CSNK1G2: variants seen among roughly 807,000 people sequenced by gnomAD.
CSNK1G2 encodes the protein casein kinase I isoform gamma-2.
In CSNK1G2, 11 loss-of-function variants were observed where a neutral mutation model predicts 48.0. The observed-to-expected ratio is 0.23, with a 90% CI of 0.14 to 0.38. CSNK1G2 has a LOEUF of 0.38. Among genes scored for constraint, CSNK1G2 ranks in the 10% least tolerant of loss-of-function variants. The pLI is 1.00. For synonymous variants in CSNK1G2, 337 were observed against 254.1 expected (o/e 1.33, Z -3.10); for missense variants, 446 against 595.5 (o/e 0.75, Z 2.61).
intron 2 of CSNK1G2, among the ~76,000 whole-genome samples, chr19:1,971,981 G>A (rs542087046): frequency 2.0e-5 from 3 of 152,282 alleles, no homozygotes; most frequent in Admixed American, 1.3e-4. Flanking sequence ...GTGTTAGCCA[G>A]GATGGTCTTG....
chr19:1,971,647 C>T (rs1000886082), intron 2 of CSNK1G2, among the ~76,000 whole-genome samples: 9 of 151,942 alleles, frequency 5.9e-5, no homozygotes, highest in South Asian at 4.2e-4. Flanking sequence ...CTGCAGCCTG[C>T]GGGGTATGGC....
In CSNK1G2 at chr19:1,951,003, C is replaced by G. The variant is rs1599286848; in HGVS notation, c.-266+9585C>G. Among the ~76,000 whole-genome samples, 3 of 146,198 alleles carry G rather than the reference C, an allele frequency of 2.1e-5. 1 individual carries two copies. The East Asian group carries it at 6.3e-4, about 31-fold the overall frequency. ...AGACCATGGGGGTCAGAGAGCTGGC[C>G]AGGCGGGTGGTCTGTGTCTGTCCCC... On this transcript the variant is annotated intron_variant, in intron 1 of 11. Coordinates refer to ENST00000255641, the MANE Select transcript of CSNK1G2 (RefSeq NM_001319.7).
chr19:1,970,025 A>C (rs1009513033), intron 2 of CSNK1G2, 66 bp downstream of exon 2: 3 of 1,255,572 alleles, frequency 2.4e-6, no homozygotes, highest in Non-Finnish European at 3.0e-6. Context: ...GAGTCACCGG[A>C]GCCTCTGGTG....
intron 8 of CSNK1G2, 30 bp downstream of exon 8, chr19:1,979,433 C>CCCCCCACCCCCCACCCCCCA (rs752757382): frequency 3.3e-6 from 2 of 614,890 alleles, no homozygotes; most frequent in Admixed American, 5.0e-5. Flanking sequence ...CCGCCCTGTG[C>CCCCCCACCCCCCACCCCCCA]CCCCCACCCC....
chr19:1,947,294 T>G (rs1254454085), intron 1 of CSNK1G2, among the ~76,000 whole-genome samples: 3 of 152,238 alleles, frequency 2.0e-5, no homozygotes, highest in Non-Finnish European at 4.4e-5. Context: ...CCGTGGTGCT[T>G]CAGGCCCTGT....
intron 1 of CSNK1G2, chr19:1,954,590 G>C (rs1446369371): frequency 6.6e-6 from 1 of 152,396 alleles, no homozygotes; most frequent in Non-Finnish European, 1.5e-5. Flanking sequence ...GCTGTGTGGT[G>C]ATGTCAGCCC....
chr19:1,947,666 G>A (rs544145788), intron 1 of CSNK1G2, among the ~76,000 whole-genome samples: 115 of 152,330 alleles, frequency 7.5e-4, no homozygotes, highest in African/African-American at 2.4e-3. Flanking sequence ...CTGGGCCCTG[G>A]CCACGTGCAG....
At chr19:1,976,049 T>G in intron 2 of CSNK1G2, 1 of 1,289,002 alleles carries the variant, frequency 7.8e-7, no homozygotes, top group Non-Finnish European at 1.0e-6. Flanking sequence ...AGAAAAAAAC[T>G]TTGAAATCCC....
intron 1 of CSNK1G2, among the ~76,000 whole-genome samples, chr19:1,943,193 G>A (rs2014432509): frequency 6.6e-6 from 1 of 152,194 alleles, no homozygotes; most frequent in African/African-American, 2.4e-5. Flanking sequence ...CACCCCGGTG[G>A]GAGGCGAAAC....
intron 1 of CSNK1G2, among the ~76,000 whole-genome samples, chr19:1,956,769 C>T (rs2015014350): frequency 6.6e-6 from 1 of 152,204 alleles, no homozygotes; most frequent in Non-Finnish European, 1.5e-5. Flanking sequence ...GTCATACCCA[C>T]ATCCGTGGGG....
In CSNK1G2 at chr19:1,978,055, G is replaced by A. The variant is rs1048113751; in HGVS notation, c.188-250G>A. Among the ~76,000 whole-genome samples the A allele has an allele frequency of 2.0e-5, 3 of 152,270 alleles. No individual in the cohort carries two copies. The highest frequency in any genetic ancestry group is 2.9e-5 in the Non-Finnish European group (2 of 68,010). On this transcript the variant is annotated intron_variant, in intron 2 of 11. Coordinates refer to ENST00000255641, the MANE Select transcript of CSNK1G2 (RefSeq NM_001319.7). The surrounding 1 kb of genome is among the most constrained non-coding windows in gnomAD (Gnocchi z 7.3). ...CTGTCCTGGGCTAGGGAGGTGGGGG[G>A]GCGGGGGAGGAGGAGTGGCAGACAC...
At chr19:1,965,102 C>A (rs1196089858) in intron 1 of CSNK1G2, among the ~76,000 whole-genome samples, 2 of 150,416 alleles carry the variant, frequency 1.3e-5, no homozygotes, top group African/African-American at 4.9e-5. Flanking sequence ...GAGACGTACA[C>A]GATCAGTTTC....
intron 1 of CSNK1G2, among the ~76,000 whole-genome samples, chr19:1,962,646 G>A (rs2015235885): frequency 6.6e-6 from 1 of 152,214 alleles, no homozygotes; most frequent in Admixed American, 6.5e-5. Context: ...CTGGGCGACA[G>A]AGCCAGACCC....
At chr19:1,960,520 G>A (rs1425900475) in intron 1 of CSNK1G2, among the ~76,000 whole-genome samples, 4 of 152,200 alleles carry the variant, frequency 2.6e-5, no homozygotes, top group Non-Finnish European at 5.9e-5. Flanking sequence ...CGTGTCCCCC[G>A]TGTGCCTGCG....
At chr19:1,945,679 G>A (rs962366597) in intron 1 of CSNK1G2, among the ~76,000 whole-genome samples, 5 of 152,158 alleles carry the variant, frequency 3.3e-5, no homozygotes, top group African/African-American at 9.7e-5. Context: ...AAAATTAGCC[G>A]GGCGTGGTGG....
chr19:1,970,007 G>T (rs776783862), intron 2 of CSNK1G2, 48 bp downstream of exon 2: 2 of 1,282,508 alleles, frequency 1.6e-6, no homozygotes, highest in Non-Finnish European at 2.0e-6. Context: ...TGCTGGCAGG[G>T]CCGCCCCGAG....
At chr19:1,964,818 C>G (rs576109627) in intron 1 of CSNK1G2, among the ~76,000 whole-genome samples, 2 of 151,594 alleles carry the variant, frequency 1.3e-5, no homozygotes. Flanking sequence ...CTCCCCCTCC[C>G]GGGTTCACCC....
At chr19:1,964,099 C>G (rs186637076) in intron 1 of CSNK1G2, among the ~76,000 whole-genome samples, 1 of 152,244 alleles carries the variant, frequency 6.6e-6, no homozygotes, top group East Asian at 1.9e-4. Context: ...GCTGGGATTA[C>G]AGGCATGAGC....
rs759960518 is a variant in CSNK1G2 at position 1,978,759 on chromosome 19, CGGGCGGGGCG to C, written c.447+19_447+28del. ...TGATCGCCATCCAGCTGGTGCGCGG[CGGGCGGGGCG>C]GGGCGGGGCTCGGAGGGAAGAGGGT... On this transcript the variant is annotated intron_variant, in intron 5 of 11. Coordinates refer to ENST00000255641, the MANE Select transcript of CSNK1G2 (RefSeq NM_001319.7). The surrounding 1 kb of genome is among the most constrained non-coding windows in gnomAD (Gnocchi z 7.3). The C allele has an allele frequency of 1.4e-4, 49 of 351,742 alleles. No homozygotes were observed. The highest frequency in any genetic ancestry group is 2.4e-4 in the Non-Finnish European group (46 of 195,316). The allele number at this position is 351,742 out of a possible 1,614,324, so 21.8% of individuals were successfully genotyped here.
Sources: allele counts gnomAD v4.1 joint callset (sites outside exome capture counted in the v4.1 genomes callset), GRCh38; gene constraint gnomAD v4.1.1; non-coding constraint Gnocchi (gnomAD v3.1); transcripts MANE v1.5; gene names NCBI Gene and HGNC (gene_info 2026-07-23, HGNC 2026-07-21).